The following SGCZ variants were observed in gnomAD, a reference collection of about 807,000 sequenced individuals.
SGCZ encodes the protein sarcoglycan zeta.
Under a neutral mutation model 41.3 loss-of-function variants are expected in SGCZ, and 40 were observed. That is an observed-to-expected ratio of 0.97 (90% CI 0.75 to 1.26). The LOEUF is 1.26. Among genes scored for constraint, SGCZ ranks in the 50% most tolerant of loss-of-function variants. SGCZ has a pLI of 0.00. For missense variants in SGCZ, 552 were observed against 369.8 expected (o/e 1.49, Z -4.04); for synonymous variants, 206 against 137.5 (o/e 1.50, Z -3.49).
chr8:14,990,064 A>G (rs1178285291), intron 1 of SGCZ, among the ~76,000 whole-genome samples: 1 of 152,026 alleles, frequency 6.6e-6, no homozygotes, highest in Non-Finnish European at 1.5e-5. Context: ...CCAATGCCTT[A>G]CCCTCCCAGT....
chr8:14,269,110 G>A (rs1799973113), intron 3 of SGCZ, among the ~76,000 whole-genome samples: 2 of 151,950 alleles, frequency 1.3e-5, no homozygotes, highest in African/African-American at 4.8e-5. Context: ...CTATGATATA[G>A]TCATAAATTT....
chr8:14,279,964 C>T (rs78255114), intron 3 of SGCZ, among the ~76,000 whole-genome samples: 9,412 of 151,898 alleles, frequency 0.062, 923 homozygotes, highest in African/African-American at 0.2. Flanking sequence ...AAACAGAAAA[C>T]TTACTCAGCT....
At chr8:15,123,428 C>T (rs749992459) in intron 1 of SGCZ, among the ~76,000 whole-genome samples, 11 of 152,096 alleles carry the variant, frequency 7.2e-5, no homozygotes, top group East Asian at 3.9e-4. Context: ...ACACAGTGCT[C>T]AGTAATTTTT....
At position 14,375,259 on chromosome 8, in the gene SGCZ, T is replaced by C. The variant is rs147880260; in HGVS notation, c.235-51055A>G. Among the ~76,000 whole-genome samples, 687 of 152,250 alleles carry C rather than the reference T, an allele frequency of 4.5e-3. 4 individuals carry two copies. The highest frequency in any genetic ancestry group is 0.015 in the African/African-American group (611 of 41,542). ...AACAGTTGTGCACTGAATAATACGGTAGCTGTTTTTAAAGCAAGAAACTAT... is the reference window on the plus strand; with the variant it reads ...AACAGTTGTGCACTGAATAATACGGCAGCTGTTTTTAAAGCAAGAAACTAT... On this transcript the variant is annotated intron_variant, in intron 2 of 7. Transcript: ENST00000382080.
chr8:14,334,654 A>G (rs552361447), intron 2 of SGCZ, among the ~76,000 whole-genome samples: 2 of 152,106 alleles, frequency 1.3e-5, no homozygotes, highest in Admixed American at 1.3e-4. Context: ...TATTTGCCTC[A>G]AATTTGCATT....
chr8:14,305,919 C>T (rs769340969), intron 3 of SGCZ, among the ~76,000 whole-genome samples: 3 of 152,154 alleles, frequency 2.0e-5, no homozygotes, highest in East Asian at 1.9e-4. Context: ...TGTTCAAGCC[C>T]GGACTAACCT....
At chr8:14,439,854 C>T (rs1293402815) in intron 2 of SGCZ, among the ~76,000 whole-genome samples, 2 of 151,882 alleles carry the variant, frequency 1.3e-5, no homozygotes, top group Admixed American at 6.6e-5. Flanking sequence ...TCTTTTGGGC[C>T]TCCTCACATA....
At chr8:15,032,054 G>C (rs112578108) in intron 1 of SGCZ, among the ~76,000 whole-genome samples, 1 of 152,088 alleles carries the variant, frequency 6.6e-6, no homozygotes, top group African/African-American at 2.4e-5. Flanking sequence ...CCTTGTCTAT[G>C]ATTTTGCACA....
chr8:14,844,333 T>C lies in SGCZ; in HGVS notation c.40-289407A>G, dbSNP rs138024332. 4.4e-3 allele frequency among the ~76,000 whole-genome samples: 663 copies of C among 152,284 alleles called. 5 individuals carry two copies. The highest frequency in any genetic ancestry group is 0.018 in the South Asian group (87 of 4,826). ...GTAGATTCTTTTCTTTCCCTAATTA[T>C]TCTCTTGTCCCTTCCCTATGAGAGA... On this transcript the variant is annotated intron_variant, in intron 1 of 7. Coordinates refer to ENST00000382080, the MANE Select transcript of SGCZ (RefSeq NM_139167.4).
At chr8:15,080,329 G>C (rs115808860) in intron 1 of SGCZ, among the ~76,000 whole-genome samples, 1 of 152,024 alleles carries the variant, frequency 6.6e-6, no homozygotes, top group African/African-American at 2.4e-5. Context: ...GACTCTGTGG[G>C]TCAATCTGAC....
chr8:14,199,784 C>A (rs917964195), intron 4 of SGCZ, among the ~76,000 whole-genome samples: 2 of 152,052 alleles, frequency 1.3e-5, no homozygotes, highest in African/African-American at 4.8e-5. Context: ...AAGAAATAAA[C>A]GCATTTCCTT....
At chr8:14,345,544 G>A (rs190960982) in intron 2 of SGCZ, among the ~76,000 whole-genome samples, 2 of 152,124 alleles carry the variant, frequency 1.3e-5, no homozygotes, top group Non-Finnish European at 2.9e-5. Context: ...TTTTCCTTAC[G>A]AAGAGAGGTC....
chr8:14,107,546 C>T (rs548112800), intron 6 of SGCZ, among the ~76,000 whole-genome samples: 6 of 152,280 alleles, frequency 3.9e-5, no homozygotes, highest in East Asian at 1.9e-4. Flanking sequence ...GCTTTCTCAG[C>T]GCCCTATTTG....
At chr8:14,507,793 T>C (rs1022549178) in intron 2 of SGCZ, among the ~76,000 whole-genome samples, 2 of 146,902 alleles carry the variant, frequency 1.4e-5, no homozygotes, top group Non-Finnish European at 3.0e-5. Flanking sequence ...TTTTTCGAGA[T>C]GGAGTTTCGT....
At chr8:15,071,720 A>C (rs1805355752) in intron 1 of SGCZ, among the ~76,000 whole-genome samples, 1 of 152,210 alleles carries the variant, frequency 6.6e-6, no homozygotes, top group Non-Finnish European at 1.5e-5. Flanking sequence ...AATAAAGACC[A>C]GCTTTTGTAA....
chr8:14,248,007 T>C (rs752231329), intron 3 of SGCZ, among the ~76,000 whole-genome samples: 5 of 152,342 alleles, frequency 3.3e-5, no homozygotes, highest in South Asian at 2.1e-4. Flanking sequence ...GCAGTAATTT[T>C]CCACCAATGG....
At chr8:14,186,555 A>G (rs2117035800) in intron 4 of SGCZ, among the ~76,000 whole-genome samples, 1 of 152,246 alleles carries the variant, frequency 6.6e-6, no homozygotes, top group East Asian at 1.9e-4. Flanking sequence ...GCACTCCCCA[A>G]CCCCTACTAT....
rs115347215 is a variant in SGCZ at position 14,632,807 on chromosome 8, G to A, written c.40-77881C>T. On this transcript the variant is annotated intron_variant, in intron 1 of 7. Transcript: ENST00000382080. ...ACGGGTCATCCTATAAGATAAAGGG[G>A]AGAAAGTTAATACAGCATTCTGCAT... Among the ~76,000 whole-genome samples, 1,334 of 151,998 alleles carry A rather than the reference G, an allele frequency of 8.8e-3. 18 individuals carry two copies. The highest frequency in any genetic ancestry group is 0.03 in the African/African-American group (1,265 of 41,504).
At chr8:14,928,742 C>T (rs935495432) in intron 1 of SGCZ, among the ~76,000 whole-genome samples, 11 of 151,986 alleles carry the variant, frequency 7.2e-5, no homozygotes, top group African/African-American at 2.7e-4. Context: ...ATGTTAAAAG[C>T]ATAACAGATT....
Sources: gnomAD v4.1 joint callset for allele counts (sites outside exome capture counted in the v4.1 genomes callset) on GRCh38, gnomAD v4.1.1 for gene constraint, MANE v1.5 for transcripts, NCBI Gene and HGNC (gene_info 2026-07-23, HGNC 2026-07-21) for gene names.